Variants in ANAPC10 observed in about 807,000 individuals in gnomAD.
ANAPC10 encodes the protein anaphase-promoting complex subunit 10.
A neutral mutation model predicts 22.0 loss-of-function variants in ANAPC10; 12 were observed. That is an observed-to-expected ratio of 0.55 (90% CI 0.35 to 0.88). The LOEUF is 0.88. Among genes scored for constraint, ANAPC10 ranks in the 40% least tolerant of loss-of-function variants. ANAPC10 has a pLI of 0.01. For synonymous variants in ANAPC10, 65 were observed against 69.5 expected (o/e 0.94, Z 0.32); for missense variants, 188 against 220.9 (o/e 0.85, Z 0.94).
intron 1 of ANAPC10, chr4:145,097,376 T>C (rs1333005530): frequency 3.8e-6 from 3 of 793,718 alleles, no homozygotes; most frequent in Admixed American, 4.9e-5. Flanking sequence ...TATTCATATG[T>C]GAAAAAACAC....
chr4:145,086,806 A>G (rs1291765041), intron 2 of ANAPC10, among the ~76,000 whole-genome samples: 1 of 151,734 alleles, frequency 6.6e-6, no homozygotes, highest in Non-Finnish European at 1.5e-5. Flanking sequence ...ACAATCAAAA[A>G]TATCTCCAGA....
At chr4:145,007,928 T>C (rs185942924) in intron 4 of ANAPC10, among the ~76,000 whole-genome samples, 172 of 148,644 alleles carry the variant, frequency 1.2e-3, no homozygotes, top group African/African-American at 3.8e-3. Context: ...ACAAAATTGA[T>C]AGACCGCTAG....
chr4:145,014,148 T>G (rs1734755877), intron 4 of ANAPC10, among the ~76,000 whole-genome samples: 1 of 152,064 alleles, frequency 6.6e-6, no homozygotes, highest in Non-Finnish European at 1.5e-5. Context: ...GAGGAAGAAC[T>G]AAAATCCTTT....
chr4:145,015,961 G>A (rs1364616798), intron 4 of ANAPC10, among the ~76,000 whole-genome samples: 1 of 152,002 alleles, frequency 6.6e-6, no homozygotes, highest in Non-Finnish European at 1.5e-5. Context: ...ACAAATCCTG[G>A]AAACACATCA....
chr4:145,081,344 T>C (rs186085746), intron 3 of ANAPC10, among the ~76,000 whole-genome samples: 2 of 152,196 alleles, frequency 1.3e-5, no homozygotes, highest in African/African-American at 4.8e-5. Context: ...CATTAAGGTA[T>C]TGTATTGGGC....
At chr4:145,043,322 G>A (rs754544543) in intron 4 of ANAPC10, among the ~76,000 whole-genome samples, 4 of 152,030 alleles carry the variant, frequency 2.6e-5, no homozygotes, top group Non-Finnish European at 5.9e-5. Flanking sequence ...ACATAGTACT[G>A]TATTAAAACA....
chr4:145,004,705 T>C (rs1230202345), intron 4 of ANAPC10, among the ~76,000 whole-genome samples: 8 of 152,118 alleles, frequency 5.3e-5, no homozygotes, highest in African/African-American at 1.9e-4. Flanking sequence ...CCACTTGATG[T>C]TGGTGAATTA....
At chr4:145,054,402 C>A (rs900712368) in intron 4 of ANAPC10, among the ~76,000 whole-genome samples, 33 of 149,912 alleles carry the variant, frequency 2.2e-4, no homozygotes, top group African/African-American at 8.1e-4. Context: ...AAAAAATATA[C>A]AAAAAATTAG....
chr4:145,056,722 C>A (rs1742124891), intron 4 of ANAPC10, among the ~76,000 whole-genome samples: 1 of 152,176 alleles, frequency 6.6e-6, no homozygotes. Flanking sequence ...CTGTTTCAGA[C>A]ACTATGCTAG....
chr4:145,093,754 T>C (rs7684993), intron 2 of ANAPC10, among the ~76,000 whole-genome samples: 150,278 of 152,174 alleles, frequency 0.99, 74,230 homozygotes, highest in East Asian at 1. Context: ...GCAGCAGATT[T>C]GAAGACAGGC....
intron 4 of ANAPC10, among the ~76,000 whole-genome samples, chr4:145,016,219 C>T (rs575641149): frequency 8.7e-4 from 132 of 152,258 alleles, no homozygotes; most frequent in African/African-American, 3.0e-3. Flanking sequence ...ATTTAGAAAA[C>T]CCCACCGTCT....
At position 145,098,141 on chromosome 4, in the gene ANAPC10, G is replaced by C. The variant is rs375698408; in HGVS notation, c.-34C>G. 1 of 152,582 alleles carries C rather than the reference G, an allele frequency of 6.6e-6. No individual in the cohort carries two copies. Among genetic ancestry groups the C allele is most frequent in the South Asian group, 2.1e-4 (1 of 4,844 alleles). 9.5% of individuals were successfully genotyped at this position (152,582 alleles called of 1,614,324 possible). The stretch of plus-strand genomic sequence containing the variant: ...TCACAGTTTCCAGACCTGGCTGCTT[G>C]CCGAAACTCAGATTCTCGGCACCTC... On this transcript the variant is annotated 5_prime_UTR_variant, in exon 1 of 5. Coordinates refer to ENST00000507656, the MANE Select transcript of ANAPC10 (RefSeq NM_001256706.2).
intron 4 of ANAPC10, 52 bp downstream of exon 4, chr4:145,064,520 T>C: frequency 6.8e-7 from 1 of 1,466,214 alleles, no homozygotes; most frequent in Non-Finnish European, 9.4e-7. Context: ...GACTATCTTC[T>C]AATGAGTAAA....
chr4:145,096,939 G>A (rs1475008759), intron 1 of ANAPC10, among the ~76,000 whole-genome samples: 1 of 152,056 alleles, frequency 6.6e-6, no homozygotes, highest in African/African-American at 2.4e-5. Context: ...GACCCAGCCC[G>A]GTGGCTCACA....
chr4:145,054,294 G>T (rs1410980834), intron 4 of ANAPC10, among the ~76,000 whole-genome samples: 1 of 148,914 alleles, frequency 6.7e-6, no homozygotes, highest in Non-Finnish European at 1.5e-5. Context: ...GCTCACACCT[G>T]TAATTCCAGC....
chr4:145,025,238 T>G (rs996656003), intron 4 of ANAPC10, among the ~76,000 whole-genome samples: 4 of 152,148 alleles, frequency 2.6e-5, no homozygotes, highest in Admixed American at 2.0e-4. Flanking sequence ...TTCTTATCAT[T>G]CATGTGTTCA....
At chr4:145,081,598 T>G (rs1186046049) in intron 3 of ANAPC10, 62 bp downstream of exon 3, 1 of 1,051,872 alleles carries the variant, frequency 9.5e-7, no homozygotes, top group African/African-American at 1.6e-5. Context: ...TTTATGTTAA[T>G]AAAATAGATT....
chr4:145,011,240 G>A (rs199977910), intron 4 of ANAPC10, among the ~76,000 whole-genome samples: 1 of 151,788 alleles, frequency 6.6e-6, no homozygotes, highest in East Asian at 1.9e-4. Flanking sequence ...AGGAGGCTGA[G>A]GCAGGAGAAT....
intron 4 of ANAPC10, among the ~76,000 whole-genome samples, chr4:145,044,107 A>G (rs1249949621): frequency 1.3e-5 from 2 of 152,082 alleles, no homozygotes; most frequent in Non-Finnish European, 2.9e-5. Flanking sequence ...ATACTAAAAA[A>G]CAAAACAAAA....
Sources: gnomAD v4.1 joint callset for allele counts (sites outside exome capture counted in the v4.1 genomes callset) on GRCh38, gnomAD v4.1.1 for gene constraint, MANE v1.5 for transcripts, NCBI Gene and HGNC (gene_info 2026-07-23, HGNC 2026-07-21) for gene names.